Variants in FRMD4B observed in about 807,000 individuals in gnomAD.
FRMD4B encodes FERM domain-containing protein 4B.
Under a neutral mutation model 141.5 loss-of-function variants are expected in FRMD4B, and 74 were observed. The observed-to-expected ratio is 0.52, with a 90% confidence interval of 0.43 to 0.63. The LOEUF is 0.63. FRMD4B is among the 30% of genes least tolerant of loss of function. The pLI is 0.00. For synonymous variants in FRMD4B, 506 were observed against 467.9 expected, an observed-to-expected ratio of 1.08 and a Z score of -1.05; for missense variants, 1,366 against 1,253.4, an observed-to-expected ratio of 1.09 and a Z score of -1.36.
chr3:69,413,011 C>G (rs1704786655), intron 2 of FRMD4B, among the ~76,000 whole-genome samples: 1 of 151,808 alleles, frequency 6.6e-6, no homozygotes, highest in South Asian at 2.1e-4. Context: ...CCTCTTTTGT[C>G]CCACTGCTGT....
intron 1 of FRMD4B, among the ~76,000 whole-genome samples, chr3:69,342,992 C>T (rs1480875878): frequency 6.6e-6 from 1 of 152,114 alleles, no homozygotes; most frequent in East Asian, 1.9e-4. Flanking sequence ...CTCTGTCACC[C>T]AGGCTGGAAT....
At chr3:69,396,927 A>G (rs1234329275) in intron 2 of FRMD4B, among the ~76,000 whole-genome samples, 1 of 152,240 alleles carries the variant, frequency 6.6e-6, no homozygotes, top group African/African-American at 2.4e-5. Flanking sequence ...GGAATTACCC[A>G]TACGTTTATC....
chr3:69,436,929 T>C (rs1038228568), intron 1 of FRMD4B, among the ~76,000 whole-genome samples: 2 of 152,110 alleles, frequency 1.3e-5, no homozygotes, highest in African/African-American at 4.8e-5. Flanking sequence ...TCTAGAACAG[T>C]TGAATACACA....
chr3:69,427,643 GTTTTTTTTTTTTT>G (rs774316609), intron 2 of FRMD4B, among the ~76,000 whole-genome samples: 7 of 36,240 alleles, frequency 1.9e-4, no homozygotes, highest in East Asian at 1.3e-3. Context: ...CTAGGTAAAT[GTTTTTTTTTTTTT>G]TTTTTTTTTT....
chr3:69,231,855 A>G (rs1171593980), intron 7 of FRMD4B, among the ~76,000 whole-genome samples: 2 of 152,350 alleles, frequency 1.3e-5, no homozygotes, highest in Admixed American at 6.5e-5. Context: ...TCGTTTCCAT[A>G]GTTTAGGATC....
At chr3:69,270,534 G>A (rs934413292) in intron 5 of FRMD4B, among the ~76,000 whole-genome samples, 8 of 151,978 alleles carry the variant, frequency 5.3e-5, no homozygotes, top group African/African-American at 1.9e-4. Context: ...TGTCTTTAAG[G>A]AGATCAACCA....
At chr3:69,414,302 C>T (rs1003046055) in intron 2 of FRMD4B, among the ~76,000 whole-genome samples, 1 of 152,012 alleles carries the variant, frequency 6.6e-6, no homozygotes, top group East Asian at 1.9e-4. Flanking sequence ...CAAGACTGTC[C>T]GTCAAGCAGA....
At chr3:69,472,925 C>CTTTTTTTTTTTTTTTTTTT (rs796453101) in intron 1 of FRMD4B, among the ~76,000 whole-genome samples, 24 of 90,906 alleles carry the variant, frequency 2.6e-4, no homozygotes, top group African/African-American at 4.8e-4. Context: ...GTGAGTCTTT[C>CTTTTTTTTTTTTTTTTTTT]TTTTTTTTTT....
At position 69,181,526 on chromosome 3, in the gene FRMD4B, A is replaced by C. The variant is rs1185730422; in HGVS notation, c.2224T>G (p.Cys742Gly). 1.2e-6 allele frequency: 2 copies of C among 1,613,870 alleles called. No individual in the cohort carries two copies. Among genetic ancestry groups the C allele is most frequent in the African/African-American group, 2.7e-5 (2 of 74,930 alleles). Residue 742 changes from cysteine (C) to glycine (G), a missense_variant, in exon 21 of 23, where the codon TGT (cysteine) becomes GGT (glycine). Physicochemically the swap from Cys to Gly is radical, Grantham distance 159. Transcript: ENST00000398540. ...TAGGGGCCGGTAACTGGTGTCACAC[A>C]GTAATACTCTGTGCTTGATTGGCTT... ...YTSQSSTEYY[C>G]VTPVTGPYYT... is the part of the protein sequence containing the mutation.
upstream of FRMD4B, among the ~76,000 whole-genome samples, chr3:69,388,110 C>A (rs991541539): frequency 6.6e-6 from 1 of 151,266 alleles, no homozygotes. Flanking sequence ...CGATGCAGTT[C>A]GACTGTGTTC....
chr3:69,303,201 C>T (rs1575709205), intron 3 of FRMD4B, among the ~76,000 whole-genome samples: 2 of 152,038 alleles, frequency 1.3e-5, no homozygotes, highest in South Asian at 2.1e-4. Flanking sequence ...ACATGTAGTC[C>T]CAGTTATTCG....
intron 1 of FRMD4B, among the ~76,000 whole-genome samples, chr3:69,343,577 GTTTTTT>G (rs66705405): frequency 2.4e-5 from 3 of 126,532 alleles, no homozygotes; most frequent in Admixed American, 8.1e-5. Flanking sequence ...ACAGTTTTTT[GTTTTTT>G]TTTTTTTTTT....
intron 1 of FRMD4B, among the ~76,000 whole-genome samples, chr3:69,448,549 T>G (rs1705444923): frequency 6.6e-6 from 1 of 152,240 alleles, no homozygotes; most frequent in Non-Finnish European, 1.5e-5. Flanking sequence ...TCTTTAAATT[T>G]TAGCCATTTT....
At chr3:69,333,088 T>C (rs1201613535) in intron 1 of FRMD4B, among the ~76,000 whole-genome samples, 1 of 152,190 alleles carries the variant, frequency 6.6e-6, no homozygotes, top group Non-Finnish European at 1.5e-5. Flanking sequence ...AGGGATGCTT[T>C]TGGGAATCTG....
chr3:69,499,239 T>A (rs529507056), intron 1 of FRMD4B, among the ~76,000 whole-genome samples: 1 of 152,228 alleles, frequency 6.6e-6, no homozygotes, highest in African/African-American at 2.4e-5. Flanking sequence ...TATAGACTCT[T>A]TTGGGCCACA....
chr3:69,199,066 C>T (rs912043178), intron 11 of FRMD4B: 1 of 289,066 alleles, frequency 3.5e-6, no homozygotes, highest in Non-Finnish European at 6.7e-6. Flanking sequence ...GTCAGGAGAT[C>T]GAGACCATCC....
Position 69,216,672 on chromosome 3 carries a change from C to T in FRMD4B, c.790-323G>A, listed in dbSNP as rs1006585808. Among the ~76,000 whole-genome samples the T allele has an allele frequency of 4.6e-5, 7 of 151,952 alleles. 1 individual carries two copies. Among genetic ancestry groups the T allele is most frequent in the Admixed American group, 3.9e-4 (6 of 15,226 alleles). The stretch of plus-strand genomic sequence containing the variant: ...GTCTTGATCTCCTGACCTCATGATC[C>T]ACCCACCTCAGCCTCCCAAAGTGCT... On this transcript the variant is annotated intron_variant, in intron 10 of 22. Coordinates refer to ENST00000398540, the MANE Select transcript of FRMD4B (RefSeq NM_015123.3).
In FRMD4B at chr3:69,180,957, C is replaced by T. The variant is rs1205204082; in HGVS notation, c.2793G>A (p.Gly931=). Residue 931 remains glycine (G), a synonymous_variant, in exon 21 of 23, where the codon GGG becomes GGA. Transcript: ENST00000398540. ...AACAAGGTACTTGCAGCCCCGCAAA[C>T]CCCAGGCATCTCTGTGATCCCCTGT... ...DSDRGSQRCL[G]FAGLQVPCSP... 6.8e-6 allele frequency: 11 copies of T among 1,613,706 alleles called. No homozygotes were observed. The highest frequency in any genetic ancestry group is 1.3e-5 in the African/African-American group (1 of 74,920).
chr3:69,381,435 C>T (rs892941038), intron 1 of FRMD4B, among the ~76,000 whole-genome samples: 1 of 152,202 alleles, frequency 6.6e-6, no homozygotes, highest in Non-Finnish European at 1.5e-5. Context: ...CCTCCCTTCC[C>T]ACCCTATTTC....
Sources: allele counts gnomAD v4.1 joint callset (sites outside exome capture counted in the v4.1 genomes callset), GRCh38; gene constraint gnomAD v4.1.1; transcripts MANE v1.5; gene names NCBI Gene and HGNC (gene_info 2026-07-23, HGNC 2026-07-21).